DNAH14: variants seen among roughly 807,000 people sequenced by gnomAD.
DNAH14 encodes dynein axonemal heavy chain 14.
A neutral mutation model predicts 520.9 loss-of-function variants in DNAH14; 478 were observed. That is an observed-to-expected ratio of 0.92 (90% CI 0.85 to 0.99). The LOEUF is 0.99. DNAH14 is among the 50% of genes least tolerant of loss of function. The probability of loss-of-function intolerance (pLI) is 0.00; values close to 1 mark genes in which losing one functional copy is unlikely to be tolerated. For synonymous variants in DNAH14, 1,581 were observed against 1,757.2 expected (o/e 0.90, Z 2.51); for missense variants, 4,831 against 5,234.5 (o/e 0.92, Z 2.38).
intron 66 of DNAH14, among the ~76,000 whole-genome samples, chr1:225,335,662 C>CGT (rs1558433644): frequency 1.8e-5 from 2 of 109,502 alleles, no homozygotes; most frequent in Non-Finnish European, 3.8e-5. Flanking sequence ...CGCATATATA[C>CGT]ATATGTGCAT....
chr1:225,305,399 T>C (rs1302604734), intron 58 of DNAH14, among the ~76,000 whole-genome samples: 1 of 152,196 alleles, frequency 6.6e-6, no homozygotes, highest in Non-Finnish European at 1.5e-5. Context: ...CCATGTCCTT[T>C]GTCTCATGGG....
At position 225,337,367 on chromosome 1, in the gene DNAH14, A is replaced by C. The variant is rs2095078958; in HGVS notation, c.10182A>C (p.Pro3394=). Reference sequence around the variant, plus strand: ...AGCAGTGGCCACTGCTGATTGACCCACATAGGCAAGCTCACAAATGGATCC... The same window carrying C: ...AGCAGTGGCCACTGCTGATTGACCCCCATAGGCAAGCTCACAAATGGATCC... ...NGQQWPLLID[P]HRQAHKWIRQ... Residue 3394 remains proline, a synonymous_variant, in exon 67 of 86, where the codon CCA becomes CCC. Transcript: ENST00000682510. The C allele has an allele frequency of 5.2e-6, 8 of 1,551,708 alleles. No individual in the cohort carries two copies. The highest frequency in any genetic ancestry group is 6.1e-6 in the Non-Finnish European group (7 of 1,146,990).
chr1:225,003,623 G>T (rs2063935572), intron 9 of DNAH14, among the ~76,000 whole-genome samples: 1 of 152,040 alleles, frequency 6.6e-6, no homozygotes, highest in Non-Finnish European at 1.5e-5. Context: ...TTGATTATGT[G>T]TAATGACAGA....
chr1:225,271,773 G>A (rs2093321259), intron 50 of DNAH14, 133 bp from the exon 51 acceptor site: 1 of 761,666 alleles, frequency 1.3e-6, no homozygotes, highest in Admixed American at 3.0e-5. Flanking sequence ...ATGTTAAATG[G>A]ATTTTAATTT....
Position 225,185,425 on chromosome 1 carries a change from G to A in DNAH14, c.5670G>A (p.Lys1890=). ...TTGCAGAAAGAAAATCTGCTTCAAA[G>A]GTAAATGTTCTGTTAAATAAAATGT... ...LSVAERKSAS[K]ISERKGKVDI... Residue 1890 remains lysine (K), a splice_region_variant and synonymous_variant, in exon 37 of 86, where the codon AAG becomes AAA. Coordinates refer to ENST00000682510, the MANE Select transcript of DNAH14 (RefSeq NM_001367479.1). 6.6e-7 allele frequency: 1 copy of A among 1,526,132 alleles called. No individual in the cohort carries two copies. The highest frequency in any genetic ancestry group is 8.8e-7 in the Non-Finnish European group (1 of 1,137,936). The allele number at this position is 1,526,132 out of a possible 1,614,324, so 94.5% of individuals were successfully genotyped here. A position where few individuals can be genotyped will look rare whatever the true frequency, so the allele number is the denominator to read the frequency against.
At chr1:225,057,599 C>G (rs2069312728) in intron 17 of DNAH14, among the ~76,000 whole-genome samples, 1 of 152,128 alleles carries the variant, frequency 6.6e-6, no homozygotes, top group African/African-American at 2.4e-5. Flanking sequence ...GCATCCCTGT[C>G]TTGTGCCAGT....
intron 66 of DNAH14, among the ~76,000 whole-genome samples, chr1:225,335,825 A>G (rs567318974): frequency 3.8e-5 from 4 of 104,250 alleles, no homozygotes; most frequent in South Asian, 3.5e-4. Flanking sequence ...GTACATACAC[A>G]TATGTACATA....
chr1:225,324,461 C>A, intron 63 of DNAH14, 108 bp downstream of exon 63: 1 of 1,373,898 alleles, frequency 7.3e-7, no homozygotes, highest in Non-Finnish European at 9.8e-7. Flanking sequence ...GGAAAGGATA[C>A]CTAAGGAGAA....
At chr1:225,070,637 A>G (rs1558858690) in intron 17 of DNAH14, among the ~76,000 whole-genome samples, 2 of 152,118 alleles carry the variant, frequency 1.3e-5, no homozygotes, top group East Asian at 1.9e-4. Context: ...TATGTGATCT[A>G]TTTTAGAGTA....
intron 8 of DNAH14, among the ~76,000 whole-genome samples, chr1:224,974,960 C>T (rs1042608088): frequency 2.0e-5 from 3 of 151,854 alleles, no homozygotes; most frequent in African/African-American, 4.8e-5. Context: ...TGTCAAAGGC[C>T]TTTTCTGCAT....
At chr1:225,010,718 C>G (rs1175426499) in intron 10 of DNAH14, among the ~76,000 whole-genome samples, 1 of 152,134 alleles carries the variant, frequency 6.6e-6, no homozygotes, top group Non-Finnish European at 1.5e-5. Flanking sequence ...GTGATTCCAT[C>G]TGGTCCTGGA....
intron 66 of DNAH14, among the ~76,000 whole-genome samples, chr1:225,335,917 A>G (rs1234301635): frequency 4.1e-5 from 6 of 145,076 alleles, no homozygotes; most frequent in Non-Finnish European, 9.1e-5. Context: ...ATGTATGTAT[A>G]TATGCACATA....
chr1:225,312,051 C>T (rs1328160987), intron 60 of DNAH14, among the ~76,000 whole-genome samples: 2 of 152,036 alleles, frequency 1.3e-5, no homozygotes, highest in Admixed American at 6.6e-5. Context: ...TGGCCATTTT[C>T]CTGATATTGA....
chr1:225,259,274 AATTTG>A (rs1235504221), intron 46 of DNAH14, 21 bp downstream of exon 46: 2 of 1,356,892 alleles, frequency 1.5e-6, no homozygotes, highest in South Asian at 3.7e-5. Flanking sequence ...CTAACTTCTA[AATTTG>A]ATTTGTCTGA....
In DNAH14 at chr1:225,042,944, C is replaced by G; in HGVS notation, c.1598C>G (p.Ser533Cys). 1 of 1,551,784 alleles carries G rather than the reference C, an allele frequency of 6.4e-7. No homozygotes were observed. The highest frequency in any genetic ancestry group is 1.4e-5 in the African/African-American group (1 of 73,132). ...GCTGAGAGTGATTCTTCAGAAAATT[C>G]TAAAGAGAACTTTCATGAGTCTGAC... is the stretch of plus-strand genomic sequence containing the variant. ...IPAESDSSEN[S>C]KENFHESDQC... is the part of the protein sequence containing the mutation. The change falls in exon 13 of 86, where the codon TCT (serine) becomes TGT (cysteine). Residue 533 changes from serine (S) to cysteine (C), a missense_variant. Transcript: ENST00000682510.
At chr1:224,936,207 T>G (rs1232089241) in intron 1 of DNAH14, among the ~76,000 whole-genome samples, 1 of 151,268 alleles carries the variant, frequency 6.6e-6, no homozygotes, top group Non-Finnish European at 1.5e-5. Flanking sequence ...AGAAAAGAAA[T>G]AATAAAGATC....
At chr1:225,052,062 G>A in intron 17 of DNAH14, among the ~76,000 whole-genome samples, 1 of 151,802 alleles carries the variant, frequency 6.6e-6, no homozygotes, top group East Asian at 1.9e-4. Flanking sequence ...TTCTTTCCCT[G>A]TTTTATCTTT....
intron 81 of DNAH14, among the ~76,000 whole-genome samples, chr1:225,384,397 T>A (rs2095815990): frequency 6.6e-6 from 1 of 151,908 alleles, no homozygotes; most frequent in African/African-American, 2.4e-5. Flanking sequence ...CTGAAAGAGA[T>A]AGAGACACAA....
intron 56 of DNAH14, among the ~76,000 whole-genome samples, chr1:225,302,209 G>A (rs2094152125): frequency 6.7e-6 from 1 of 150,134 alleles, no homozygotes; most frequent in Non-Finnish European, 1.5e-5. Flanking sequence ...AATAATAAAG[G>A]CACACTTTAA....
Sources: allele counts gnomAD v4.1 joint callset (sites outside exome capture counted in the v4.1 genomes callset), GRCh38; gene constraint gnomAD v4.1.1; transcripts MANE v1.5; gene names NCBI Gene and HGNC (gene_info 2026-07-23, HGNC 2026-07-21).